Variants in HNF4A observed in about 807,000 individuals in gnomAD.
The protein encoded by HNF4A is hepatocyte nuclear factor 4 alpha.
In HNF4A, 15 loss-of-function variants were observed where a neutral mutation model predicts 52.4. That is an observed-to-expected ratio of 0.29 (90% CI 0.19 to 0.44). HNF4A has a LOEUF of 0.44. Among genes scored for constraint, HNF4A ranks in the 20% least tolerant of loss-of-function variants. The pLI, the probability that HNF4A is intolerant of heterozygous loss-of-function variation, is 1.00. For missense variants in HNF4A, 479 were observed against 647.2 expected, an observed-to-expected ratio of 0.74 and a Z score of 2.82; for synonymous variants, 280 against 264.4, an observed-to-expected ratio of 1.06 and a Z score of -0.57.
chr20:44,413,595 AC>A (rs2063616896), intron 3 of HNF4A, 98 bp from the exon 4 acceptor site: 8 of 748,780 alleles, frequency 1.1e-5, no homozygotes, highest in East Asian at 8.2e-5. Context: ...TTCTCTGGAC[AC>A]CCCCCACCTC....
intron 1 of HNF4A, among the ~76,000 whole-genome samples, chr20:44,368,499 C>G (rs1335470233): frequency 3.3e-5 from 5 of 151,820 alleles, no homozygotes; most frequent in Non-Finnish European, 7.4e-5. Flanking sequence ...CCACTGGGCC[C>G]TACTGGGATG....
chr20:44,416,729 C>T (rs2063670430), intron 5 of HNF4A, among the ~76,000 whole-genome samples: 1 of 152,080 alleles, frequency 6.6e-6, no homozygotes, highest in African/African-American at 2.4e-5. Flanking sequence ...TTCCCCTTTC[C>T]TTCCTTCATT....
chr20:44,388,962 A>G (rs1246365918), intron 1 of HNF4A, among the ~76,000 whole-genome samples: 1 of 152,214 alleles, frequency 6.6e-6, no homozygotes, highest in Admixed American at 6.5e-5. Context: ...CGGGTTCGCG[A>G]AGGTTTGTGA....
Position 44,407,457 on chromosome 20 carries a change from G to T in HNF4A, c.367G>T (p.Ala123Ser), listed in dbSNP as rs1334911166. The stretch of plus-strand genomic sequence containing the variant: ...CTGCAGGCTCAAGAAATGCTTCCGG[G>T]CTGGCATGAAGAAGGAAGGTGAGCC... The change falls in exon 3 of 10, where the codon GCT (alanine) becomes TCT (serine). Residue 123 changes from alanine to serine, a missense_variant. Ala to Ser is a moderately conservative substitution (Grantham distance 99, BLOSUM62 1). Transcript: ENST00000316099. 6.2e-7 allele frequency: 1 copy of T among 1,603,918 alleles called. No individual in the cohort carries two copies. The highest frequency in any genetic ancestry group is 8.5e-7 in the Non-Finnish European group (1 of 1,174,592).
intron 8 of HNF4A, among the ~76,000 whole-genome samples, chr20:44,427,549 C>A (rs1204184302): frequency 6.6e-6 from 1 of 152,182 alleles, no homozygotes; most frequent in Non-Finnish European, 1.5e-5. Flanking sequence ...ATATTACTCA[C>A]CATAGGCTAT....
At chr20:44,407,296 G>T (rs1300890968) in intron 2 of HNF4A, 85 bp from the exon 3 acceptor site, 15 of 987,082 alleles carry the variant, frequency 1.5e-5, no homozygotes, top group Admixed American at 2.0e-5. Context: ...AGGTTGGGGG[G>T]TCAACTGGAT....
chr20:44,428,583 G>A, intron 9 of HNF4A, 96 bp downstream of exon 9: 4 of 1,239,332 alleles, frequency 3.2e-6, no homozygotes, highest in South Asian at 2.6e-5. Flanking sequence ...GAACCAGGAT[G>A]CAACAGTTTT....
At chr20:44,419,698 T>A (rs755171500) in intron 6 of HNF4A, 23 bp from the exon 7 acceptor site, 1 of 1,606,612 alleles carries the variant, frequency 6.2e-7, no homozygotes, top group Non-Finnish European at 8.5e-7. Context: ...CTTCCCATCC[T>A]CCCTCCCTCC....
intron 2 of HNF4A, among the ~76,000 whole-genome samples, 167 bp from the exon 3 acceptor site, chr20:44,407,210 TAGAG>T (rs1281237563): frequency 2.0e-5 from 3 of 152,178 alleles, no homozygotes; most frequent in Non-Finnish European, 2.9e-5. Flanking sequence ...ACTGGGCTCT[TAGAG>T]AGTTCATAGC....
intron 1 of HNF4A, among the ~76,000 whole-genome samples, chr20:44,388,729 T>C (rs1439074114): frequency 1.3e-5 from 2 of 152,304 alleles, no homozygotes; most frequent in Non-Finnish European, 2.9e-5. Flanking sequence ...AGCGCAGCAC[T>C]GCGGAGAGTC....
At chr20:44,424,996 C>G (rs975745005) in intron 8 of HNF4A, among the ~76,000 whole-genome samples, 2 of 152,134 alleles carry the variant, frequency 1.3e-5, no homozygotes, top group East Asian at 3.9e-4. Context: ...TATTTTTATT[C>G]TTTGAGACAA....
intron 4 of HNF4A, among the ~76,000 whole-genome samples, chr20:44,414,142 C>T (rs1228405887): frequency 6.6e-6 from 1 of 152,258 alleles, no homozygotes; most frequent in Non-Finnish European, 1.5e-5. Context: ...CAGCCCTTCC[C>T]TTGCTGAGTG....
chr20:44,404,744 GTACTGTATGTGTACA>G, intron 1 of HNF4A, among the ~76,000 whole-genome samples: 1 of 147,970 alleles, frequency 6.8e-6, no homozygotes, highest in African/African-American at 2.5e-5. Context: ...TCATGTGTGT[GTACTGTATGTGTACA>G]CATGTGTGTA....
intron 7 of HNF4A, among the ~76,000 whole-genome samples, chr20:44,421,237 C>G (rs551520664): frequency 6.6e-6 from 1 of 152,208 alleles, no homozygotes; most frequent in Admixed American, 6.5e-5. Context: ...TCTCCTGTGG[C>G]TCTTGGCTCT....
At chr20:44,382,812 A>G (rs913238182) in intron 1 of HNF4A, among the ~76,000 whole-genome samples, 2 of 152,106 alleles carry the variant, frequency 1.3e-5, no homozygotes, top group African/African-American at 4.8e-5. Context: ...AAATAAATAA[A>G]TCATCCAGGT....
chr20:44,402,216 C>T (rs528988823), intron 1 of HNF4A, among the ~76,000 whole-genome samples: 6 of 151,780 alleles, frequency 4.0e-5, no homozygotes, highest in African/African-American at 9.7e-5. Context: ...AGGAGTTGCC[C>T]GTGTTGATCT....
chr20:44,371,227 G>GT (rs1355225432), intron 1 of HNF4A, among the ~76,000 whole-genome samples: 3 of 152,210 alleles, frequency 2.0e-5, no homozygotes, highest in Non-Finnish European at 2.9e-5. Context: ...TTCCTTACTT[G>GT]TAAGTTAGAG....
At chr20:44,403,627 G>T (rs551430256) in intron 1 of HNF4A, among the ~76,000 whole-genome samples, 63 of 152,330 alleles carry the variant, frequency 4.1e-4, no homozygotes, top group African/African-American at 1.4e-3. Context: ...CACCCCAATG[G>T]AGCAGCAGCC....
chr20:44,378,153 C>T (rs2063106117), intron 1 of HNF4A, among the ~76,000 whole-genome samples: 1 of 152,132 alleles, frequency 6.6e-6, no homozygotes, highest in Non-Finnish European at 1.5e-5. Flanking sequence ...ATTTGAGCTT[C>T]CTACATTATG....
Sources: allele counts gnomAD v4.1 joint callset (sites outside exome capture counted in the v4.1 genomes callset), GRCh38; gene constraint gnomAD v4.1.1; transcripts MANE v1.5; gene names NCBI Gene and HGNC (gene_info 2026-07-23, HGNC 2026-07-21).